The following STRIP1 variants were observed in gnomAD, a reference collection of about 807,000 sequenced individuals.
The protein encoded by STRIP1 is striatin interacting protein 1.
Under a neutral mutation model 106.2 loss-of-function variants are expected in STRIP1, and 63 were observed. The ratio of observed to expected loss-of-function variants is 0.59; its 90% confidence interval spans 0.48 to 0.73. The LOEUF is 0.73. STRIP1 is among the 30% of genes least tolerant of loss of function. STRIP1 has a pLI of 0.00. For missense variants in STRIP1, 857 were observed against 1,074.8 expected (o/e 0.80, Z 2.83); for synonymous variants, 390 against 413.0 (o/e 0.94, Z 0.67).
In STRIP1 at chr1:110,050,994, C is replaced by T; in HGVS notation, c.1995C>T (p.Leu665=). The change falls in exon 19 of 21, where the codon CTC becomes CTT. Residue 665 remains leucine, a synonymous_variant. Coordinates refer to ENST00000369795, the MANE Select transcript of STRIP1 (RefSeq NM_033088.4). Reference sequence around the variant, plus strand: ...GTAACCAATTTTGCTGGAGGAACCTCTTTTCTTGTATCAATCTGCTTCGGA... The same window carrying T: ...GTAACCAATTTTGCTGGAGGAACCTTTTTTCTTGTATCAATCTGCTTCGGA... ...GDSNQFCWRN[L]FSCINLLRIL... is the part of the protein sequence containing the mutation. The T allele has an allele frequency of 6.2e-7, 1 of 1,614,044 alleles. No individual in the cohort carries two copies. Among genetic ancestry groups the T allele is most frequent in the Non-Finnish European group, 8.5e-7 (1 of 1,179,860 alleles).
chr1:110,050,172 A>AT (rs1653225170), intron 17 of STRIP1, 171 bp from the exon 18 acceptor site: 1 of 620,518 alleles, frequency 1.6e-6, no homozygotes, highest in African/African-American at 1.9e-5. Context: ...CTTGTAACAG[A>AT]TATTTCCTCA....
At chr1:110,036,885 G>A (rs574347019) in intron 1 of STRIP1, among the ~76,000 whole-genome samples, 149 of 152,178 alleles carry the variant, frequency 9.8e-4, no homozygotes, top group African/African-American at 3.4e-3. Flanking sequence ...GTGTAGTGGC[G>A]CGATCTTGGC....
rs1279764342 is a variant in STRIP1 at position 110,053,660 on chromosome 1, C to G, written c.2267-5C>G. The G allele has an allele frequency of 1.2e-6, 2 of 1,613,868 alleles. No individual in the cohort carries two copies. The highest frequency in any genetic ancestry group is 2.2e-5 in the South Asian group (2 of 91,082). On this transcript the variant is annotated splice_region_variant and splice_polypyrimidine_tract_variant and intron_variant, in intron 20 of 20. Transcript: ENST00000369795. ...CTAACGGTGTTTCTTCCTGCTTTGTCTCAGATCTTGATGCCCGGCCTTGGG... is the reference window on the plus strand; with the variant it reads ...CTAACGGTGTTTCTTCCTGCTTTGTGTCAGATCTTGATGCCCGGCCTTGGG...
In STRIP1 at chr1:110,047,762, C is replaced by G; in HGVS notation, c.1564-10C>G. ...CTCAGACCTGTGTCTGAATGGTCTA[C>G]TCTTCCCAGATTGCCCTCCTGAAGA... On this transcript the variant is annotated splice_polypyrimidine_tract_variant and intron_variant, in intron 14 of 20. Transcript: ENST00000369795. 3 of 1,561,686 alleles carry G rather than the reference C, an allele frequency of 1.9e-6. No individual in the cohort carries two copies. The highest frequency in any genetic ancestry group is 2.6e-6 in the Non-Finnish European group (3 of 1,151,738).
chr1:110,043,390 T>C, intron 9 of STRIP1, 120 bp downstream of exon 9: 1 of 1,099,828 alleles, frequency 9.1e-7, no homozygotes, highest in South Asian at 1.4e-5. Context: ...GTCAGAATCA[T>C]GCCTCCACAG....
In STRIP1 at chr1:110,051,033, G is replaced by A. The variant is rs754973954; in HGVS notation, c.2034G>A (p.Leu678=). Residue 678 remains leucine, a synonymous_variant, in exon 19 of 21, where the codon CTG becomes CTA. Coordinates refer to ENST00000369795, the MANE Select transcript of STRIP1 (RefSeq NM_033088.4). ...CINLLRILNK[L]TKWKHSRTMM... Reference sequence around the variant, plus strand: ...ATCTGCTTCGGATCTTGAACAAGCTGACAAAGTGGAAGCATTCAAGGACAA... The same window carrying A: ...ATCTGCTTCGGATCTTGAACAAGCTAACAAAGTGGAAGCATTCAAGGACAA... 5.6e-6 allele frequency: 9 copies of A among 1,613,038 alleles called. No individual in the cohort carries two copies. The highest frequency in any genetic ancestry group is 7.6e-6 in the Non-Finnish European group (9 of 1,178,984).
At chr1:110,036,421 T>A (rs1183362165) in intron 1 of STRIP1, among the ~76,000 whole-genome samples, 3 of 152,028 alleles carry the variant, frequency 2.0e-5, no homozygotes, top group Non-Finnish European at 2.9e-5. Flanking sequence ...ACCATTGCAC[T>A]CCAGCCTGGG....
intron 17 of STRIP1, 36 bp from the exon 18 acceptor site, chr1:110,050,307 C>T (rs1310980040): frequency 6.2e-7 from 1 of 1,610,356 alleles, no homozygotes; most frequent in East Asian, 2.2e-5. Context: ...TGGGCCTTTG[C>T]TCATGGTGGG....
rs1373603198 is a variant in STRIP1 at position 110,047,850 on chromosome 1, G to A, written c.1642G>A (p.Val548Ile). 4.5e-6 allele frequency: 7 copies of A among 1,561,798 alleles called. No homozygotes were observed. The highest frequency in any genetic ancestry group is 2.4e-5 in the South Asian group (2 of 84,776). Reference protein sequence around the residue: ...KTDSINILADVLPEEMPTTVL... With the variant: ...KTDSINILADILPEEMPTTVL... ...AGACTCAATCAACATCCTAGCGGAC[G>A]TCTTGCCTGAGGAGATGCCGTGAGT... The change falls in exon 15 of 21, where the codon GTC (valine) becomes ATC (isoleucine). Residue 548 changes from valine (V) to isoleucine (I), a missense_variant. Val to Ile is a conservative substitution (Grantham distance 29). Around this residue, in one of 2 missense-constraint regions of STRIP1, gnomAD observed 750 missense variants for 989.8 expected, o/e 0.76. Coordinates refer to ENST00000369795, the MANE Select transcript of STRIP1 (RefSeq NM_033088.4).
intron 13 of STRIP1, 114 bp downstream of exon 13, chr1:110,046,865 CA>C (rs1653048226): frequency 1.4e-6 from 1 of 717,888 alleles, no homozygotes; most frequent in Admixed American, 2.2e-5. Flanking sequence ...TCCTGGCTAA[CA>C]TGGTGAAACC....
At chr1:110,031,973 A>T (rs1652203569), upstream of STRIP1, among the ~76,000 whole-genome samples, 1 of 149,974 alleles carries the variant, frequency 6.7e-6, no homozygotes, top group Admixed American at 6.7e-5. Flanking sequence ...GGCTCAAACG[A>T]TCCTCCCACC....
intron 19 of STRIP1, 93 bp from the exon 20 acceptor site, chr1:110,051,590 G>A: frequency 7.8e-7 from 1 of 1,283,666 alleles, no homozygotes. Flanking sequence ...CACCCTGACA[G>A]TAACTTCCAA....
intron 1 of STRIP1, among the ~76,000 whole-genome samples, chr1:110,035,695 C>T (rs928795152): frequency 4.6e-5 from 7 of 152,088 alleles, no homozygotes; most frequent in African/African-American, 1.7e-4. Context: ...ATGCCATCTC[C>T]TAGATTGATC....
Position 110,047,761 on chromosome 1 carries a change from A to C in STRIP1, c.1564-11A>C, listed in dbSNP as rs748301387. 1.0e-5 allele frequency: 16 copies of C among 1,560,860 alleles called. No individual in the cohort carries two copies. The highest frequency in any genetic ancestry group is 9.6e-5 in the Admixed American group (5 of 51,986). On this transcript the variant is annotated splice_polypyrimidine_tract_variant and intron_variant, in intron 14 of 20. Transcript: ENST00000369795. ...TCTCAGACCTGTGTCTGAATGGTCT[A>C]CTCTTCCCAGATTGCCCTCCTGAAG... is the stretch of plus-strand genomic sequence containing the variant.
chr1:110,040,713 G>A lies in STRIP1; in HGVS notation c.650+10G>A, dbSNP rs72687299. ...ACAGCACAGACCTCAGGTGAGGCGA[G>A]CAGCAAGCCTGGGCTCCTGAGCGTT... On this transcript the variant is annotated intron_variant, in intron 6 of 20. Transcript: ENST00000369795. The A allele has an allele frequency of 1.9e-6, 3 of 1,606,938 alleles. No individual in the cohort carries two copies. The highest frequency in any genetic ancestry group is 2.5e-6 in the Non-Finnish European group (3 of 1,176,724).
intron 1 of STRIP1, among the ~76,000 whole-genome samples, chr1:110,036,144 C>T (rs1288258729): frequency 6.6e-6 from 1 of 152,198 alleles, no homozygotes; most frequent in Non-Finnish European, 1.5e-5. Context: ...TGTAATTTCT[C>T]TTTGTACCCT....
At chr1:110,038,788 T>C (rs1269445850) in intron 3 of STRIP1, 31 bp downstream of exon 3, 2 of 1,597,128 alleles carry the variant, frequency 1.3e-6, no homozygotes, top group Non-Finnish European at 1.7e-6. Context: ...TCTTGCTTCC[T>C]TTGCCCTGCA....
chr1:110,039,300 G>A lies in STRIP1; in HGVS notation c.454G>A (p.Ala152Thr), dbSNP rs143942454. Reference sequence around the variant, plus strand: ...GGTGGCTCGAGCAATTCTCTATGTTGCTCAAGGTATTGAGTGGACCTCCCC... The same window carrying A: ...GGTGGCTCGAGCAATTCTCTATGTTACTCAAGGTATTGAGTGGACCTCCCC... ...LKVARAILYVAQGTFGECSSE... is the reference protein window; with the variant it reads ...LKVARAILYVTQGTFGECSSE... Residue 152 changes from alanine (A) to threonine (T), a missense_variant, in exon 4 of 21, where the codon GCT becomes ACT. Around this residue, in one of 2 missense-constraint regions of STRIP1, gnomAD observed 750 missense variants for 989.8 expected, o/e 0.76. Coordinates refer to ENST00000369795, the MANE Select transcript of STRIP1 (RefSeq NM_033088.4). 27 of 1,614,032 alleles carry A rather than the reference G, an allele frequency of 1.7e-5. No homozygotes were observed. In the African/African-American group the frequency reaches 3.2e-4, roughly 19 times the overall value.
chr1:110,047,658 T>C (rs1653092618), intron 14 of STRIP1, 42 bp downstream of exon 14: 1 of 1,582,266 alleles, frequency 6.3e-7, no homozygotes, highest in African/African-American at 1.3e-5. Flanking sequence ...TACACTGGCC[T>C]TAGAGCAGGC....
Sources: allele counts gnomAD v4.1 joint callset (sites outside exome capture counted in the v4.1 genomes callset), GRCh38; gene constraint gnomAD v4.1.1; regional missense constraint gnomAD v4.1.1; transcripts MANE v1.5; gene names NCBI Gene and HGNC (gene_info 2026-07-23, HGNC 2026-07-21).